Variants in NUP160 observed in about 807,000 individuals in gnomAD.
NUP160 encodes the protein nucleoporin 160.
Under a neutral mutation model 196.9 loss-of-function variants are expected in NUP160, and 94 were observed. The observed-to-expected ratio is 0.48, with a 90% CI of 0.40 to 0.57. The LOEUF is 0.57. Among genes scored for constraint, NUP160 ranks in the 20% least tolerant of loss-of-function variants. NUP160 has a pLI of 0.00. For synonymous variants in NUP160, 605 were observed against 619.7 expected (o/e 0.98, Z 0.35); for missense variants, 1,638 against 1,748.3 (o/e 0.94, Z 1.13).
At chr11:47,784,791 G>A (rs78275570) in intron 33 of NUP160, 131 bp downstream of exon 33, 8,211 of 602,900 alleles carry the variant, frequency 0.014, 80 homozygotes, top group Non-Finnish European at 0.019. Flanking sequence ...ATCCTCCCCT[G>A]TTGGCCTACC....
Position 47,843,068 on chromosome 11 carries a change from C to G in NUP160, c.315-2480G>C, listed in dbSNP as rs553924086. 2.0e-5 allele frequency among the ~76,000 whole-genome samples: 3 copies of G among 152,278 alleles called. No homozygotes were observed. In the South Asian group the frequency reaches 6.2e-4, roughly 32 times the overall value. ...CCTTCTCAGTTCCCCAAATTCCTTT[C>G]CTCTAGTGATTGCTCTCAACTGCAT... On this transcript the variant is annotated intron_variant, in intron 2 of 35. Coordinates refer to ENST00000378460, the Ensembl canonical transcript of NUP160.
At chr11:47,815,171 T>C in intron 13 of NUP160, 1 of 168,146 alleles carries the variant, frequency 5.9e-6, no homozygotes, top group Non-Finnish European at 1.3e-5. Flanking sequence ...TGAGCTGAGA[T>C]CACACCACTG....
In NUP160 at chr11:47,791,969, G is replaced by A. The variant is rs745871321; in HGVS notation, c.3472C>T (p.Pro1158Ser). 25 of 1,611,796 alleles carry A rather than the reference G, an allele frequency of 1.6e-5. No individual in the cohort carries two copies. Among genetic ancestry groups the A allele is most frequent in the Non-Finnish European group, 2.1e-5 (25 of 1,179,110 alleles). Residue 1158 changes from proline (P) to serine (S), a missense_variant, in exon 29 of 36, where the codon CCT becomes TCT. Physicochemically the swap from Pro to Ser is moderately conservative, Grantham distance 74. This residue lies in a region of NUP160 where 1,345 missense variants were observed against 1,470.2 expected (regional missense o/e 0.91). Transcript: ENST00000378460. ...CATTCTCCATCATGATTCCTCTTAG[G>A]GGATGCTCCAGGGCGATCATACTGA...
At chr11:47,791,615 A>G (rs2097667945) in intron 29 of NUP160, among the ~76,000 whole-genome samples, 1 of 152,192 alleles carries the variant, frequency 6.6e-6, no homozygotes, top group African/African-American at 2.4e-5. Context: ...TGCTGGGATT[A>G]CAGGTGTGAG....
chr11:47,778,827 G>C, exon 36 of NUP160: 1 of 253,132 alleles, frequency 4.0e-6, no homozygotes, highest in Non-Finnish European at 7.7e-6. Context: ...GAATGTCTTC[G>C]GTAGTTTAAA....
At chr11:47,788,747 T>C (rs539239505) in intron 29 of NUP160, 136 bp from the exon 30 acceptor site, 2 of 621,498 alleles carry the variant, frequency 3.2e-6, no homozygotes, top group African/African-American at 1.8e-5. Context: ...AAGGAGAAAA[T>C]AGGGCACTAA....
chr11:47,779,037 G>T (rs1353073295), exon 36 of NUP160: 1 of 1,115,748 alleles, frequency 9.0e-7, no homozygotes, highest in Non-Finnish European at 1.4e-6. Context: ...TGAGTACAGG[G>T]TTCCTGTAGG....
At position 47,848,465 on chromosome 11, in the gene NUP160, C is replaced by T. The variant is rs1345239226; in HGVS notation, c.-45G>A. On this transcript the variant is annotated 5_prime_UTR_variant, in exon 1 of 36. Coordinates refer to ENST00000378460, the Ensembl canonical transcript of NUP160. Reference sequence around the variant, plus strand: ...CTCCGGCCCTTCGTTGCGAGGCTTCCACCGGGAGAATGAGGGTGGGCAGCG... The same window carrying T: ...CTCCGGCCCTTCGTTGCGAGGCTTCTACCGGGAGAATGAGGGTGGGCAGCG... The T allele has an allele frequency of 4.2e-6, 6 of 1,429,944 alleles. No individual in the cohort carries two copies. In the East Asian group the frequency reaches 1.5e-4, roughly 35 times the overall value. 88.6% of individuals were successfully genotyped at this position (1,429,944 alleles called of 1,614,324 possible). A position where few individuals can be genotyped will look rare whatever the true frequency, so the allele number is the denominator to read the frequency against.
chr11:47,817,112 A>T (rs1358039555), intron 11 of NUP160, among the ~76,000 whole-genome samples: 1 of 151,286 alleles, frequency 6.6e-6, no homozygotes, highest in African/African-American at 2.4e-5. Context: ...AGTAGCTGGG[A>T]CCACAGGTGC....
intron 19 of NUP160, chr11:47,806,639 C>T (rs1020420661): frequency 8.1e-6 from 2 of 248,386 alleles, no homozygotes; most frequent in African/African-American, 2.2e-5. Flanking sequence ...CAGAACAATA[C>T]AAAATAAATT....
intron 7 of NUP160, among the ~76,000 whole-genome samples, chr11:47,825,516 G>A (rs1851950072): frequency 6.8e-6 from 1 of 147,874 alleles, no homozygotes; most frequent in Admixed American, 6.8e-5. Flanking sequence ...GCAGTGGTAC[G>A]ATCTCGGCTC....
At chr11:47,829,208 T>C (rs1852029629) in intron 7 of NUP160, among the ~76,000 whole-genome samples, 1 of 152,128 alleles carries the variant, frequency 6.6e-6, no homozygotes, top group Admixed American at 6.6e-5. Context: ...TGATTAGAGA[T>C]TTAGATCCAG....
At chr11:47,802,799 A>C (rs2135363810) in intron 22 of NUP160, among the ~76,000 whole-genome samples, 1 of 151,810 alleles carries the variant, frequency 6.6e-6, no homozygotes, top group Admixed American at 6.6e-5. Flanking sequence ...ACATGGGAAA[A>C]CCCCATCTCT....
At chr11:47,818,686 C>G (rs1415567271) in intron 10 of NUP160, among the ~76,000 whole-genome samples, 2 of 152,136 alleles carry the variant, frequency 1.3e-5, no homozygotes, top group African/African-American at 4.8e-5. Context: ...AGTAGTAAAT[C>G]TGACTAACAG....
chr11:47,812,016 C>G (rs1205978178), intron 17 of NUP160, 48 bp downstream of exon 17: 2 of 1,592,980 alleles, frequency 1.3e-6, no homozygotes, highest in Non-Finnish European at 1.7e-6. Context: ...GCTTGTAGGC[C>G]TATAACAGGT....
intron 27 of NUP160, among the ~76,000 whole-genome samples, chr11:47,794,959 G>A (rs2097670027): frequency 6.6e-6 from 1 of 151,728 alleles, no homozygotes; most frequent in South Asian, 2.1e-4. Context: ...AAACTAGCTG[G>A]GCATGGTGGT....
intron 23 of NUP160, among the ~76,000 whole-genome samples, chr11:47,800,763 A>G (rs1393493443): frequency 6.6e-6 from 1 of 152,190 alleles, no homozygotes; most frequent in Non-Finnish European, 1.5e-5. Flanking sequence ...AAAACAGTGA[A>G]GACTGCTTCT....
intron 7 of NUP160, among the ~76,000 whole-genome samples, chr11:47,825,600 C>T (rs373810103): frequency 1.6e-4 from 24 of 152,114 alleles, no homozygotes; most frequent in Middle Eastern, 3.4e-3. Flanking sequence ...TTTACAGGCA[C>T]GCACTACCAT....
At chr11:47,790,527 C>T (rs1004845471) in intron 29 of NUP160, among the ~76,000 whole-genome samples, 1 of 152,278 alleles carries the variant, frequency 6.6e-6, no homozygotes, top group East Asian at 1.9e-4. Context: ...TCCCAAAGTA[C>T]AGGGATTACA....
Sources: allele counts gnomAD v4.1 joint callset (sites outside exome capture counted in the v4.1 genomes callset), GRCh38; gene constraint gnomAD v4.1.1; regional missense constraint gnomAD v4.1.1; transcripts MANE v1.5; gene names NCBI Gene and HGNC (gene_info 2026-07-23, HGNC 2026-07-21).